Variants in DLG2 observed in about 807,000 individuals in gnomAD.
The protein encoded by DLG2 is disks large homolog 2.
Under a neutral mutation model 132.5 loss-of-function variants are expected in DLG2, and 45 were observed. That is an observed-to-expected ratio of 0.34 (90% confidence interval 0.27 to 0.44). The LOEUF (loss-of-function observed/expected upper bound fraction) is 0.44. DLG2 is among the 20% of genes least tolerant of loss of function. DLG2 has a pLI of 1.00. For missense variants in DLG2, 1,045 were observed against 1,196.9 expected (o/e 0.87, Z 1.87); for synonymous variants, 424 against 419.6 (o/e 1.01, Z -0.13).
At chr11:84,701,936 C>T (rs929408324) in intron 6 of DLG2, among the ~76,000 whole-genome samples, 1 of 151,570 alleles carries the variant, frequency 6.6e-6, no homozygotes, top group East Asian at 1.9e-4. Context: ...TCGAAATCGT[C>T]ATCCACAATT....
At chr11:84,834,621 A>G (rs1415085939) in intron 6 of DLG2, among the ~76,000 whole-genome samples, 1 of 151,572 alleles carries the variant, frequency 6.6e-6, no homozygotes, top group Non-Finnish European at 1.5e-5. Flanking sequence ...AATGAAAGGA[A>G]GAGAAGCAGG....
chr11:85,146,222 TTCTCCCTCTCTC>T lies in DLG2; in HGVS notation c.282+8322_282+8333del, dbSNP rs1293532349. ...AACAGAAGTCTGTCTGTATGTCTGTTTCTCCCTCTCTCTCTCTCTCTCTCTCTCTCTCTCTCT... is the reference window on the plus strand; with the variant it reads ...AACAGAAGTCTGTCTGTATGTCTGTTTCTCTCTCTCTCTCTCTCTCTCTCT... On this transcript the variant is annotated intron_variant, in intron 5 of 27. Coordinates refer to ENST00000376104, the MANE Select transcript of DLG2 (RefSeq NM_001142699.3). 1.5e-3 allele frequency among the ~76,000 whole-genome samples: 139 copies of T among 94,186 alleles called. 1 individual carries two copies. The highest frequency in any genetic ancestry group is 5.6e-3 in the African/African-American group (134 of 23,902). 61.8% of individuals were successfully genotyped at this position (94,186 alleles called of 152,430 possible).
intron 11 of DLG2, among the ~76,000 whole-genome samples, chr11:83,999,875 C>T (rs2094249908): frequency 6.6e-6 from 1 of 151,458 alleles, no homozygotes; most frequent in Non-Finnish European, 1.5e-5. Context: ...AAAGTAATCC[C>T]CTACAAAAGC....
intron 8 of DLG2, among the ~76,000 whole-genome samples, chr11:84,210,549 A>G (rs1415552391): frequency 1.4e-5 from 2 of 144,946 alleles, no homozygotes; most frequent in East Asian, 4.1e-4. Context: ...AAAAAAAAGA[A>G]TCTTCATTGC....
At chr11:83,931,669 C>A (rs1298494301) in intron 14 of DLG2, among the ~76,000 whole-genome samples, 2 of 152,090 alleles carry the variant, frequency 1.3e-5, no homozygotes, top group Non-Finnish European at 2.9e-5. Flanking sequence ...AAATGAGATC[C>A]TGTATTTTGT....
At chr11:84,612,477 T>C (rs2099597133) in intron 6 of DLG2, among the ~76,000 whole-genome samples, 1 of 152,152 alleles carries the variant, frequency 6.6e-6, no homozygotes. Context: ...AGTTGTTTAG[T>C]AGATAACGTT....
chr11:84,595,591 G>C (rs1490170479), intron 6 of DLG2, among the ~76,000 whole-genome samples: 1 of 152,068 alleles, frequency 6.6e-6, no homozygotes. Flanking sequence ...GAACTTCCTG[G>C]CTCTGCACAG....
At chr11:85,564,278 TC>T (rs2077413143) in intron 3 of DLG2, among the ~76,000 whole-genome samples, 3 of 152,110 alleles carry the variant, frequency 2.0e-5, no homozygotes, top group South Asian at 4.1e-4. Flanking sequence ...GTTCATTTTT[TC>T]CTTTTTACTT....
At chr11:84,973,592 T>C (rs1462960171) in intron 6 of DLG2, among the ~76,000 whole-genome samples, 1 of 152,222 alleles carries the variant, frequency 6.6e-6, no homozygotes, top group African/African-American at 2.4e-5. Flanking sequence ...AGGATTCACA[T>C]TGATACAAAA....
chr11:85,131,540 A>G (rs1278331130), intron 5 of DLG2, among the ~76,000 whole-genome samples: 1 of 152,136 alleles, frequency 6.6e-6, no homozygotes. Flanking sequence ...TACTGATTTA[A>G]CTGGAATACT....
chr11:84,313,641 A>AAG (rs377286299), intron 7 of DLG2, among the ~76,000 whole-genome samples: 47 of 129,290 alleles, frequency 3.6e-4, no homozygotes, highest in African/African-American at 1.4e-3. Context: ...GAAAGAGAGA[A>AAG]AAAGAAAGAA....
chr11:85,279,146 G>C (rs2078078354), intron 4 of DLG2, among the ~76,000 whole-genome samples: 1 of 152,064 alleles, frequency 6.6e-6, no homozygotes. Context: ...TCCAGGTCAA[G>C]AACTAGAATA....
chr11:84,076,451 G>A (rs746806099), intron 10 of DLG2, among the ~76,000 whole-genome samples: 15 of 152,086 alleles, frequency 9.9e-5, no homozygotes, highest in African/African-American at 3.1e-4. Context: ...CCTACGCCAC[G>A]CGATTATTGC....
intron 9 of DLG2, among the ~76,000 whole-genome samples, chr11:84,115,131 C>T (rs1361848642): frequency 6.6e-6 from 1 of 152,180 alleles, no homozygotes; most frequent in Non-Finnish European, 1.5e-5. Flanking sequence ...TTTGTAGAGT[C>T]TATTTCCTTA....
chr11:85,032,544 CTT>C (rs2061098882), intron 6 of DLG2, among the ~76,000 whole-genome samples: 1 of 152,078 alleles, frequency 6.6e-6, no homozygotes, highest in Non-Finnish European at 1.5e-5. Context: ...ATTTTTTCCT[CTT>C]TGTAATTTGA....
intron 6 of DLG2, among the ~76,000 whole-genome samples, chr11:84,965,184 G>A (rs115043285): frequency 3.9e-4 from 59 of 152,102 alleles, no homozygotes; most frequent in African/African-American, 1.3e-3. Context: ...CAGCATCTTG[G>A]GAAAATATTA....
At chr11:84,338,913 T>C (rs1470776125) in intron 7 of DLG2, among the ~76,000 whole-genome samples, 2 of 152,228 alleles carry the variant, frequency 1.3e-5, no homozygotes, top group African/African-American at 2.4e-5. Flanking sequence ...GTAGTAGTTA[T>C]CATTTTACTA....
chr11:84,635,854 A>G (rs2099639696), intron 6 of DLG2, among the ~76,000 whole-genome samples: 1 of 152,186 alleles, frequency 6.6e-6, no homozygotes, highest in South Asian at 2.1e-4. Context: ...CTGTGCTCTT[A>G]GCCACAACAC....
intron 3 of DLG2, 69 bp downstream of exon 3, chr11:85,598,588 A>G: frequency 9.4e-6 from 11 of 1,170,020 alleles, no homozygotes; most frequent in Middle Eastern, 2.1e-4. Context: ...AGGTTCTTTG[A>G]CCACATTATT....
Sources: allele counts gnomAD v4.1 joint callset (sites outside exome capture counted in the v4.1 genomes callset), GRCh38; gene constraint gnomAD v4.1.1; transcripts MANE v1.5; gene names NCBI Gene and HGNC (gene_info 2026-07-23, HGNC 2026-07-21).